LAMA1: variants seen among roughly 807,000 people sequenced by gnomAD.
The protein encoded by LAMA1 is laminin subunit alpha-1.
Under a neutral mutation model 348.7 loss-of-function variants are expected in LAMA1, and 219 were observed. That is an observed-to-expected ratio of 0.63 (90% confidence interval 0.56 to 0.70). The LOEUF (loss-of-function observed/expected upper bound fraction) is 0.70. Ranked by LOEUF, LAMA1 falls within the 30% of genes least tolerant of loss-of-function variation. The pLI is 0.00. For synonymous variants in LAMA1, 1,487 were observed against 1,491.0 expected (o/e 1.00, Z 0.06); for missense variants, 3,744 against 3,888.0 (o/e 0.96, Z 0.99).
intron 26 of LAMA1, 127 bp from the exon 27 acceptor site, chr18:7,009,493 T>G (rs948327656): frequency 9.7e-7 from 1 of 1,029,878 alleles, no homozygotes; most frequent in Non-Finnish European, 1.4e-6. Flanking sequence ...TGCCACTGAG[T>G]GTAACTGACA....
chr18:7,050,293 G>C (rs961301697), intron 4 of LAMA1, among the ~76,000 whole-genome samples: 20 of 152,134 alleles, frequency 1.3e-4, no homozygotes, highest in Non-Finnish European at 2.2e-4. Context: ...TGGGCATGTT[G>C]GGCACTAAGC....
intron 1 of LAMA1, among the ~76,000 whole-genome samples, chr18:7,082,133 A>C (rs1255786630): frequency 3.3e-5 from 5 of 152,206 alleles, no homozygotes; most frequent in Non-Finnish European, 7.4e-5. Flanking sequence ...AACTTTTTAC[A>C]TAAAACAGAA....
At chr18:6,991,253 C>G (rs776515388) in intron 36 of LAMA1, among the ~76,000 whole-genome samples, 1 of 152,086 alleles carries the variant, frequency 6.6e-6, no homozygotes, top group Non-Finnish European at 1.5e-5. Context: ...AAAAAAGACA[C>G]ATACCCAACC....
In LAMA1 at chr18:7,037,696, G is replaced by T. The variant is rs140908403; in HGVS notation, c.1619C>A (p.Pro540Gln). Residue 540 changes from proline to glutamine, a missense_variant, in exon 12 of 63, where the codon CCG (proline) becomes CAG (glutamine). Pro to Gln is a moderately conservative substitution (Grantham distance 76). Transcript: ENST00000389658. ...CCCGCCTAGTGCATCTTGCTGAGAC[G>T]GGATCTTCCTGGGACTGATCAAGTC... ...VTDLISPRKI[P>Q]SQQDALGGRH... 2 of 1,614,168 alleles carry T rather than the reference G, an allele frequency of 1.2e-6. No homozygotes were observed.
intron 30 of LAMA1, among the ~76,000 whole-genome samples, chr18:7,000,674 C>A (rs2057803729): frequency 6.6e-6 from 1 of 152,152 alleles, no homozygotes; most frequent in South Asian, 2.1e-4. Flanking sequence ...TTTAAATTAC[C>A]AATGTGCCAT....
intron 29 of LAMA1, among the ~76,000 whole-genome samples, chr18:7,005,716 A>C (rs2057828922): frequency 6.6e-6 from 1 of 152,226 alleles, no homozygotes; most frequent in African/African-American, 2.4e-5. Context: ...ATTGTACTCC[A>C]GCCTGGGTGA....
intron 53 of LAMA1, chr18:6,960,337 C>A: frequency 6.6e-6 from 1 of 152,064 alleles, no homozygotes; most frequent in East Asian, 1.9e-4. Flanking sequence ...TATTACTCAG[C>A]CATAAAAAGG....
intron 1 of LAMA1, 91 bp from the exon 2 acceptor site, chr18:7,080,548 G>T: frequency 1.5e-6 from 2 of 1,318,786 alleles, no homozygotes; most frequent in Non-Finnish European, 2.2e-6. Context: ...ATCAAAAGGA[G>T]ATTGAAAGTC....
intron 1 of LAMA1, among the ~76,000 whole-genome samples, chr18:7,111,606 A>G (rs1186945118): frequency 6.6e-6 from 1 of 152,222 alleles, no homozygotes; most frequent in Admixed American, 6.5e-5. Context: ...CAACAGAACC[A>G]AAGTTCATGA....
intron 22 of LAMA1, among the ~76,000 whole-genome samples, chr18:7,015,420 C>T (rs2057882528): frequency 6.6e-6 from 1 of 152,054 alleles, no homozygotes; most frequent in African/African-American, 2.4e-5. Flanking sequence ...CAGGCGTGTG[C>T]CACCACACCA....
At chr18:7,053,192 G>A (rs1198776633) in intron 3 of LAMA1, among the ~76,000 whole-genome samples, 2 of 152,156 alleles carry the variant, frequency 1.3e-5, no homozygotes, top group Non-Finnish European at 2.9e-5. Flanking sequence ...GAGGGAAGGA[G>A]GGATGAATAG....
At chr18:7,025,061 C>T (rs2057936255) in intron 17 of LAMA1, among the ~76,000 whole-genome samples, 1 of 152,204 alleles carries the variant, frequency 6.6e-6, no homozygotes, top group Non-Finnish European at 1.5e-5. Flanking sequence ...CTGACTGCAT[C>T]CTTTTTATAT....
intron 56 of LAMA1, 166 bp from the exon 57 acceptor site, chr18:6,955,631 C>T (rs1437478168): frequency 1.3e-5 from 9 of 696,492 alleles, no homozygotes; most frequent in Non-Finnish European, 2.1e-5. Context: ...ATGATGCACT[C>T]GCCAGCGCTT....
intron 36 of LAMA1, among the ~76,000 whole-genome samples, chr18:6,989,703 G>T (rs920283735): frequency 6.6e-6 from 1 of 152,080 alleles, no homozygotes; most frequent in African/African-American, 2.4e-5. Context: ...GAGGGGAACA[G>T]GTGGGGGTGG....
chr18:7,045,967 T>C (rs1467944204), intron 6 of LAMA1, among the ~76,000 whole-genome samples: 6 of 151,920 alleles, frequency 3.9e-5, no homozygotes, highest in African/African-American at 1.5e-4. Context: ...TTTTTTTTTT[T>C]ACTTTCTTAC....
intron 34 of LAMA1, among the ~76,000 whole-genome samples, chr18:6,994,191 G>A (rs2057770542): frequency 6.6e-6 from 1 of 152,160 alleles, no homozygotes; most frequent in African/African-American, 2.4e-5. Context: ...GATTCTCCAG[G>A]CTGTGGACAG....
chr18:7,080,895 C>T (rs555487853), intron 1 of LAMA1, among the ~76,000 whole-genome samples: 5 of 152,204 alleles, frequency 3.3e-5, no homozygotes, highest in African/African-American at 7.2e-5. Flanking sequence ...AATGTACATG[C>T]GGAAATGTTT....
At chr18:6,944,178 G>T (rs1245553921) in intron 61 of LAMA1, among the ~76,000 whole-genome samples, 1 of 152,090 alleles carries the variant, frequency 6.6e-6, no homozygotes, top group African/African-American at 2.4e-5. Flanking sequence ...ACCATGCCCA[G>T]CTAATTTTTG....
chr18:7,044,393 G>A (rs2144189405), intron 7 of LAMA1, among the ~76,000 whole-genome samples: 1 of 152,140 alleles, frequency 6.6e-6, no homozygotes, highest in African/African-American at 2.4e-5. Context: ...GGAATCTTGT[G>A]AATATATTGC....
Sources: gnomAD v4.1 joint callset for allele counts (sites outside exome capture counted in the v4.1 genomes callset) on GRCh38, gnomAD v4.1.1 for gene constraint, MANE v1.5 for transcripts, NCBI Gene and HGNC (gene_info 2026-07-23, HGNC 2026-07-21) for gene names.